PRKG1: variants seen among roughly 807,000 people sequenced by gnomAD.
The protein encoded by PRKG1 is protein kinase cGMP-dependent 1.
A neutral mutation model predicts 88.1 loss-of-function variants in PRKG1; 35 were observed. That is an observed-to-expected ratio of 0.40 (90% confidence interval 0.30 to 0.53). The LOEUF is 0.53. Ranked by LOEUF, PRKG1 falls within the 20% of genes least tolerant of loss-of-function variation. PRKG1 has a pLI of 0.59. For synonymous variants in PRKG1, 303 were observed against 292.5 expected (o/e 1.04, Z -0.37); for missense variants, 540 against 839.8 (o/e 0.64, Z 4.41).
chr10:51,282,841 A>G (rs117703453), intron 2 of PRKG1, among the ~76,000 whole-genome samples: 2,138 of 151,980 alleles, frequency 0.014, 94 homozygotes, highest in East Asian at 0.082. Flanking sequence ...ATTTTTATTT[A>G]TTTATGTTTA....
rs1203089969 is a variant in PRKG1, at chr10:51,970,046, ACACACC to A, written c.762+62479_762+62484del. 1.5e-5 allele frequency among the ~76,000 whole-genome samples: 2 copies of A among 131,404 alleles called. 1 individual carries two copies. Among genetic ancestry groups the A allele is most frequent in the Non-Finnish European group, 3.2e-5 (2 of 61,558 alleles). The allele number at this position is 131,404 out of a possible 152,430, so 86.2% of individuals were successfully genotyped here. On this transcript the variant is annotated intron_variant, in intron 5 of 17. Coordinates refer to ENST00000373980, the MANE Select transcript of PRKG1 (RefSeq NM_006258.4). Reference sequence around the variant, plus strand: ...CACACACACACACACACACACACACACACACCCATATTTATTTATATATTTTTCTTT... The same window carrying A: ...CACACACACACACACACACACACACACATATTTATTTATATATTTTTCTTT...
chr10:51,147,591 C>A (rs1845973446), intron 1 of PRKG1, among the ~76,000 whole-genome samples: 2 of 152,086 alleles, frequency 1.3e-5, no homozygotes, highest in Non-Finnish European at 1.5e-5. Context: ...ACTAAATAAT[C>A]TATTTTAGAA....
chr10:51,220,673 C>T lies in PRKG1; in HGVS notation c.478+67343C>T, dbSNP rs983430630. ...CATGGTTGAGTGATAAAGTAGCTAA[C>T]ATTAAAAGGTAAGAATACTTTTTCA... On this transcript the variant is annotated intron_variant, in intron 2 of 17. Coordinates refer to ENST00000373980, the MANE Select transcript of PRKG1 (RefSeq NM_006258.4). Among the ~76,000 whole-genome samples, 84 of 151,958 alleles carry T rather than the reference C, an allele frequency of 5.5e-4. 2 individuals carry two copies. Among genetic ancestry groups the T allele is most frequent in the Non-Finnish European group, 2.9e-5 (2 of 68,004 alleles).
chr10:51,995,221 C>T (rs932010915), intron 5 of PRKG1, among the ~76,000 whole-genome samples: 6 of 152,066 alleles, frequency 3.9e-5, no homozygotes, highest in African/African-American at 1.2e-4. Flanking sequence ...AAACCATTCT[C>T]AACAAAAAGC....
rs1203251941 is a variant in PRKG1 at position 51,788,023 on chromosome 10, CTG to C, written c.593-16561_593-16560del. On this transcript the variant is annotated intron_variant, in intron 3 of 17. Coordinates refer to ENST00000373980, the MANE Select transcript of PRKG1 (RefSeq NM_006258.4). ...GTCATTAGGGAGACTCGATAACACT[CTG>C]AGTATCATTGTGTTGTACACTCACA... 2.0e-5 allele frequency among the ~76,000 whole-genome samples: 3 copies of C among 152,124 alleles called. No individual in the cohort carries two copies. The East Asian group carries it at 5.8e-4, about 29-fold the overall frequency.
At chr10:52,007,724 G>A (rs1248132094) in intron 5 of PRKG1, among the ~76,000 whole-genome samples, 2 of 152,144 alleles carry the variant, frequency 1.3e-5, no homozygotes, top group African/African-American at 2.4e-5. Context: ...CATGGAGGCA[G>A]AAAATTAACA....
intron 2 of PRKG1, chr10:51,245,890 A>G (rs1331571019): frequency 9.2e-5 from 14 of 152,144 alleles, no homozygotes; most frequent in Admixed American, 9.2e-4. Flanking sequence ...ACTAGAGAGT[A>G]GGAAGCTTGA....
chr10:52,148,582 A>G (rs1995490), intron 8 of PRKG1, among the ~76,000 whole-genome samples: 105,629 of 152,086 alleles, frequency 0.69, 37,240 homozygotes, highest in South Asian at 0.77. Context: ...TCAGAGGAAG[A>G]AATGTGTGTC....
intron 3 of PRKG1, among the ~76,000 whole-genome samples, chr10:51,555,370 T>G (rs1332740812): frequency 1.3e-5 from 2 of 152,050 alleles, no homozygotes; most frequent in East Asian, 1.9e-4. Context: ...TTTTATTGCT[T>G]GGGGATGCTC....
intron 13 of PRKG1, among the ~76,000 whole-genome samples, chr10:52,281,739 T>C (rs1842007062): frequency 6.6e-6 from 1 of 152,132 alleles, no homozygotes; most frequent in African/African-American, 2.4e-5. Context: ...TAATACTAAA[T>C]GAATTGTCGC....
chr10:51,670,741 AAAATAAAT>A (rs554289419), intron 3 of PRKG1, among the ~76,000 whole-genome samples: 1,759 of 94,512 alleles, frequency 0.019, 45 homozygotes, highest in African/African-American at 0.041. Flanking sequence ...GTCTCAAAAA[AAAATAAAT>A]AAATAAATAA....
At chr10:51,118,994 G>T (rs1213341035) in intron 1 of PRKG1, among the ~76,000 whole-genome samples, 1 of 152,068 alleles carries the variant, frequency 6.6e-6, no homozygotes, top group Non-Finnish European at 1.5e-5. Flanking sequence ...GAAATCCTAA[G>T]CCATATCTTG....
chr10:52,293,776 A>G (rs1414744748), intron 17 of PRKG1, 26 bp from the exon 18 acceptor site: 6 of 1,571,554 alleles, frequency 3.8e-6, no homozygotes, highest in East Asian at 2.2e-5. Context: ...AAAATCCACT[A>G]AAAAAAACCT....
chr10:51,953,339 T>C (rs1158086003), intron 5 of PRKG1, among the ~76,000 whole-genome samples: 2 of 151,970 alleles, frequency 1.3e-5, no homozygotes, highest in Non-Finnish European at 2.9e-5. Context: ...AAGTGACATG[T>C]GCAGGCTTTT....
chr10:51,919,765 G>A (rs1842423663), intron 5 of PRKG1, among the ~76,000 whole-genome samples: 1 of 151,850 alleles, frequency 6.6e-6, no homozygotes, highest in African/African-American at 2.4e-5. Flanking sequence ...GTACTACAAA[G>A]CTGCATGCTT....
chr10:51,580,561 A>G (rs543263378), intron 3 of PRKG1, among the ~76,000 whole-genome samples: 2 of 152,224 alleles, frequency 1.3e-5, no homozygotes, highest in East Asian at 1.9e-4. Context: ...CTCTTTCTTG[A>G]AAATGCCATT....
chr10:52,067,938 C>T (rs1463859222), intron 7 of PRKG1, among the ~76,000 whole-genome samples: 1 of 105,026 alleles, frequency 9.5e-6, no homozygotes, highest in Non-Finnish European at 2.4e-5. Flanking sequence ...GGCGCAGTGG[C>T]TCACGCCTGT....
intron 2 of PRKG1, among the ~76,000 whole-genome samples, chr10:51,204,397 T>A (rs1466689536): frequency 6.6e-6 from 1 of 151,982 alleles, no homozygotes; most frequent in Non-Finnish European, 1.5e-5. Context: ...TGTGTGTGTG[T>A]GTGTACACAT....
Position 51,528,867 on chromosome 10 carries a change from T to C in PRKG1, c.592+61031T>C, listed in dbSNP as rs1449551945. Among the ~76,000 whole-genome samples the C allele has an allele frequency of 2.0e-5, 3 of 152,126 alleles. No homozygotes were observed. The East Asian group carries it at 5.8e-4, about 29-fold the overall frequency. ...GAAGCCTTGAAACAATAGTTCCACA[T>C]ATCTTGTCCCCAATGTAAATGGAAA... On this transcript the variant is annotated intron_variant, in intron 3 of 17. Transcript: ENST00000373980.
Sources: allele counts gnomAD v4.1 joint callset (sites outside exome capture counted in the v4.1 genomes callset), GRCh38; gene constraint gnomAD v4.1.1; transcripts MANE v1.5; gene names NCBI Gene and HGNC (gene_info 2026-07-23, HGNC 2026-07-21).